The following CSRNP3 variants were observed in gnomAD, a reference collection of about 807,000 sequenced individuals.
CSRNP3 encodes the protein cysteine and serine rich nuclear protein 3.
Under a neutral mutation model 48.0 loss-of-function variants are expected in CSRNP3, and 12 were observed. That is an observed-to-expected ratio of 0.25 (90% CI 0.16 to 0.41). CSRNP3 has a LOEUF of 0.41. CSRNP3 is among the 10% of genes least tolerant of loss of function. The pLI, the probability that CSRNP3 is intolerant of heterozygous loss-of-function variation, is 1.00. For missense variants in CSRNP3, 580 were observed against 724.4 expected, an observed-to-expected ratio of 0.80 and a Z score of 2.29; for synonymous variants, 263 against 269.7, an observed-to-expected ratio of 0.98 and a Z score of 0.24.
chr2:165,677,244 A>AT (rs935352792), intron 6 of CSRNP3, among the ~76,000 whole-genome samples: 6 of 152,142 alleles, frequency 3.9e-5, no homozygotes, highest in African/African-American at 1.2e-4. Flanking sequence ...TCACAGCCAC[A>AT]TTTTTTTCTT....
chr2:165,594,799 A>T (rs1330170701), intron 3 of CSRNP3, among the ~76,000 whole-genome samples: 1 of 152,248 alleles, frequency 6.6e-6, no homozygotes, highest in Non-Finnish European at 1.5e-5. Context: ...ATATTACATT[A>T]AAATGAACTA....
chr2:165,586,502 T>A (rs1685636792), intron 3 of CSRNP3, among the ~76,000 whole-genome samples: 1 of 152,170 alleles, frequency 6.6e-6, no homozygotes, highest in South Asian at 2.1e-4. Flanking sequence ...AAATGTCAAT[T>A]TTTTTAATCT....
intron 4 of CSRNP3, among the ~76,000 whole-genome samples, chr2:165,652,835 C>T (rs1011948597): frequency 2.0e-5 from 3 of 152,114 alleles, no homozygotes; most frequent in African/African-American, 4.8e-5. Flanking sequence ...TGAGCCACCG[C>T]GCTGGCCAAA....
chr2:165,655,647 G>T (rs955703060), intron 4 of CSRNP3, among the ~76,000 whole-genome samples: 3 of 152,154 alleles, frequency 2.0e-5, no homozygotes, highest in African/African-American at 7.2e-5. Flanking sequence ...CACTGTTCGG[G>T]AGGCTAGATG....
In CSRNP3 at chr2:165,654,873, G is replaced by T. The variant is rs142618542; in HGVS notation, c.149-2888G>T. Reference sequence around the variant, plus strand: ...TCGAATTTCTGACCTCAGGTGATCCGCCTGTCTTGGCCTCCCAAAGTGTTG... The same window carrying T: ...TCGAATTTCTGACCTCAGGTGATCCTCCTGTCTTGGCCTCCCAAAGTGTTG... On this transcript the variant is annotated intron_variant, in intron 4 of 6. Transcript: ENST00000651982. 7.8e-3 allele frequency among the ~76,000 whole-genome samples: 1,185 copies of T among 152,194 alleles called. 24 individuals are homozygous for T. The highest frequency in any genetic ancestry group is 0.027 in the African/African-American group (1,130 of 41,536).
chr2:165,475,604 C>G (rs1388938738), intron 1 of CSRNP3, among the ~76,000 whole-genome samples: 1 of 152,228 alleles, frequency 6.6e-6, no homozygotes, highest in Non-Finnish European at 1.5e-5. Flanking sequence ...ATGCCTGATA[C>G]ACAGTATGTG....
chr2:165,512,060 T>C (rs1030361192), intron 2 of CSRNP3, among the ~76,000 whole-genome samples: 1 of 152,192 alleles, frequency 6.6e-6, no homozygotes, highest in African/African-American at 2.4e-5. Context: ...TGTGAGCATT[T>C]GTGGAATGAG....
intron 5 of CSRNP3, among the ~76,000 whole-genome samples, chr2:165,670,060 A>C (rs573557162): frequency 2.0e-5 from 3 of 152,340 alleles, no homozygotes; most frequent in Admixed American, 1.3e-4. Context: ...CAAGACAGGG[A>C]GTGATCCCAT....
chr2:165,569,989 C>G (rs1399330823), intron 3 of CSRNP3, among the ~76,000 whole-genome samples: 5 of 151,908 alleles, frequency 3.3e-5, no homozygotes, highest in Non-Finnish European at 7.4e-5. Context: ...TTCTTTTAAG[C>G]AATCATTAGA....
intron 4 of CSRNP3, among the ~76,000 whole-genome samples, chr2:165,624,694 G>T (rs1686398961): frequency 6.6e-6 from 1 of 152,118 alleles, no homozygotes. Flanking sequence ...AAAGCACACT[G>T]AGGTTCTCAC....
intron 3 of CSRNP3, among the ~76,000 whole-genome samples, chr2:165,557,249 C>G (rs547117712): frequency 4.6e-4 from 70 of 152,310 alleles, no homozygotes; most frequent in African/African-American, 1.6e-3. Context: ...GGAACACAGA[C>G]ACATTCATTT....
At chr2:165,571,269 G>A (rs1685369622) in intron 3 of CSRNP3, among the ~76,000 whole-genome samples, 1 of 151,828 alleles carries the variant, frequency 6.6e-6, no homozygotes, top group Non-Finnish European at 1.5e-5. Context: ...CACTTCGCAT[G>A]TATTTGTCAT....
intron 3 of CSRNP3, among the ~76,000 whole-genome samples, chr2:165,539,357 T>C (rs1253634124): frequency 6.6e-6 from 1 of 151,930 alleles, no homozygotes; most frequent in Non-Finnish European, 1.5e-5. Flanking sequence ...ACCTACTTGA[T>C]TTTCTTCCCA....
intron 5 of CSRNP3, among the ~76,000 whole-genome samples, chr2:165,673,892 G>A (rs550309962): frequency 1.5e-4 from 23 of 152,104 alleles, no homozygotes; most frequent in Admixed American, 1.4e-3. Flanking sequence ...ATGGTGGCAG[G>A]CGCCTGTAAT....
intron 3 of CSRNP3, among the ~76,000 whole-genome samples, chr2:165,550,117 A>G (rs1210982157): frequency 6.6e-6 from 1 of 152,170 alleles, no homozygotes; most frequent in Admixed American, 6.6e-5. Context: ...TCTCAGAACC[A>G]TGCTGATCAT....
intron 3 of CSRNP3, among the ~76,000 whole-genome samples, chr2:165,525,033 A>G (rs1684714905): frequency 6.6e-6 from 1 of 152,214 alleles, no homozygotes; most frequent in Non-Finnish European, 1.5e-5. Context: ...ACCATCCTAA[A>G]TTTCTACCAG....
At chr2:165,564,409 A>C (rs1472043281) in intron 3 of CSRNP3, among the ~76,000 whole-genome samples, 1 of 152,102 alleles carries the variant, frequency 6.6e-6, no homozygotes, top group Non-Finnish European at 1.5e-5. Context: ...TGTATTAATA[A>C]CAGATAGATG....
chr2:165,668,252 A>G (rs1192393295), intron 5 of CSRNP3, among the ~76,000 whole-genome samples: 13 of 152,156 alleles, frequency 8.5e-5, no homozygotes, highest in Non-Finnish European at 1.6e-4. Flanking sequence ...TGTCCTCTCC[A>G]TTAGAAAGGC....
At chr2:165,484,184 G>C (rs1463336017) in intron 1 of CSRNP3, among the ~76,000 whole-genome samples, 1 of 151,984 alleles carries the variant, frequency 6.6e-6, no homozygotes, top group African/African-American at 2.4e-5. Context: ...CCACCTCCCA[G>C]GTTCAAGCAA....
Sources: allele counts gnomAD v4.1 joint callset (sites outside exome capture counted in the v4.1 genomes callset), GRCh38; gene constraint gnomAD v4.1.1; transcripts MANE v1.5; gene names NCBI Gene and HGNC (gene_info 2026-07-23, HGNC 2026-07-21).